Variants in ANKRD30B observed in about 807,000 individuals in gnomAD.
ANKRD30B encodes the protein ankyrin repeat domain-containing protein 30B.
ANKRD30B carries 144 observed loss-of-function variants against 202.2 expected under a neutral mutation model. The ratio of observed to expected loss-of-function variants is 0.71; its 90% CI spans 0.62 to 0.82. ANKRD30B has a LOEUF of 0.82. Among genes scored for constraint, ANKRD30B ranks in the 40% least tolerant of loss-of-function variants. ANKRD30B has a pLI of 0.00. For missense variants in ANKRD30B, 1,487 were observed against 1,669.1 expected, an observed-to-expected ratio of 0.89 and a Z score of 1.90; for synonymous variants, 508 against 561.3, an observed-to-expected ratio of 0.91 and a Z score of 1.34.
At chr18:14,775,508 A>C (rs946484804) in intron 9 of ANKRD30B, among the ~76,000 whole-genome samples, 2 of 152,358 alleles carry the variant, frequency 1.3e-5, no homozygotes, top group Middle Eastern at 3.4e-3. Context: ...GTATTGGTAT[A>C]TTTTGATTAT....
chr18:14,914,647 G>T, the ANKRD30B span, among the ~76,000 whole-genome samples: 3 of 152,266 alleles, frequency 2.0e-5, no homozygotes, highest in East Asian at 5.8e-4. Context: ...TGAATTATGG[G>T]GTGAGGGGAA....
intron 15 of ANKRD30B, 117 bp downstream of exon 15, chr18:14,787,217 G>T (rs1273236400): frequency 3.3e-6 from 3 of 906,542 alleles, no homozygotes; most frequent in East Asian, 3.0e-5. Context: ...ATTATTTTTT[G>T]ATATTTTTCA....
chr18:14,915,679 T>C, the ANKRD30B span: 1 of 152,188 alleles, frequency 6.6e-6, no homozygotes, highest in Non-Finnish European at 1.5e-5. Context: ...GAGACTCAAC[T>C]GTATTCCAAA....
chr18:14,909,590 T>C, the ANKRD30B span, among the ~76,000 whole-genome samples: 1 of 152,086 alleles, frequency 6.6e-6, no homozygotes, highest in African/African-American at 2.4e-5. Context: ...GTATTTTTAG[T>C]ACAGATGGAG....
the ANKRD30B span, among the ~76,000 whole-genome samples, chr18:14,931,971 CT>C: frequency 1.3e-3 from 8 of 5,962 alleles, no homozygotes; most frequent in Non-Finnish European, 3.1e-3. Flanking sequence ...TTCCTCCCTC[CT>C]GTACTGTCCC....
chr18:14,815,364 T>C (rs1313530257), intron 30 of ANKRD30B, among the ~76,000 whole-genome samples: 2 of 151,014 alleles, frequency 1.3e-5, no homozygotes, highest in Non-Finnish European at 2.9e-5. Flanking sequence ...CTGAAAACCT[T>C]GTTAACAATT....
At position 14,784,319 on chromosome 18, in the gene ANKRD30B, T is replaced by C. The variant is rs2143873457; in HGVS notation, c.1571-17T>C. 1 of 1,610,332 alleles carries C rather than the reference T, an allele frequency of 6.2e-7. No individual in the cohort carries two copies. Among genetic ancestry groups the C allele is most frequent in the Non-Finnish European group, 8.5e-7 (1 of 1,177,618 alleles). The stretch of plus-strand genomic sequence containing the variant: ...ATATTTACTTATGATTGATGATAAA[T>C]CTCTTTTGCATTTTAGAGCTTCCTG... On this transcript the variant is annotated splice_polypyrimidine_tract_variant and intron_variant, in intron 12 of 43. Coordinates refer to ENST00000690538, the MANE Select transcript of ANKRD30B (RefSeq NM_001367607.2).
chr18:14,834,363 A>C (rs1971083862), intron 34 of ANKRD30B, among the ~76,000 whole-genome samples: 4 of 152,110 alleles, frequency 2.6e-5, no homozygotes, highest in Non-Finnish European at 5.9e-5. Context: ...AAATTAGATG[A>C]AGGGGATAAT....
At chr18:14,767,364 A>T (rs764481127) in intron 7 of ANKRD30B, among the ~76,000 whole-genome samples, 1 of 152,212 alleles carries the variant, frequency 6.6e-6, no homozygotes, top group African/African-American at 2.4e-5. Flanking sequence ...ATGCATATTT[A>T]TGATAGTTTA....
At chr18:14,767,440 A>G (rs1422518902) in intron 7 of ANKRD30B, among the ~76,000 whole-genome samples, 4 of 152,254 alleles carry the variant, frequency 2.6e-5, no homozygotes, top group Non-Finnish European at 5.9e-5. Context: ...ATAATAATAC[A>G]TTGTAATCAA....
At chr18:14,868,832 C>T in the ANKRD30B span, among the ~76,000 whole-genome samples, 1 of 152,300 alleles carries the variant, frequency 6.6e-6, no homozygotes, top group Non-Finnish European at 1.5e-5. Context: ...AGATTCTGTT[C>T]TGCCTGCTGC....
intron 16 of ANKRD30B, among the ~76,000 whole-genome samples, chr18:14,795,753 A>G (rs1257535236): frequency 2.6e-5 from 4 of 152,198 alleles, no homozygotes; most frequent in Non-Finnish European, 2.9e-5. Context: ...TTACAGGACA[A>G]ATTGAAGAAC....
At chr18:14,850,450 C>T (rs1971836729) in intron 41 of ANKRD30B, 68 bp downstream of exon 41, 3 of 1,380,470 alleles carry the variant, frequency 2.2e-6, no homozygotes, top group East Asian at 2.7e-5. Flanking sequence ...TTTAACATCC[C>T]TTTGATTTAG....
rs1445561205 is a variant in ANKRD30B at position 14,837,680 on chromosome 18, C to T, written c.2988+4C>T. ...AAAATCAACTTCAGATTCTGAGGTA[C>T]TGTGTATTGTTGTTGTTGTTATTTT... On this transcript the variant is annotated splice_donor_region_variant and intron_variant, in intron 36 of 43. Transcript: ENST00000690538. The T allele has an allele frequency of 8.5e-6, 13 of 1,535,074 alleles. No homozygotes were observed. The highest frequency in any genetic ancestry group is 4.2e-5 in the Admixed American group (2 of 47,312).
chr18:14,760,428 A>T (rs1915069421), intron 5 of ANKRD30B, 126 bp from the exon 6 acceptor site: 1 of 560,316 alleles, frequency 1.8e-6, no homozygotes. Flanking sequence ...AAAGTCTGTG[A>T]AATAAGTAAC....
chr18:14,772,711 T>G (rs1289013793), intron 9 of ANKRD30B, among the ~76,000 whole-genome samples: 13 of 6,134 alleles, frequency 2.1e-3, no homozygotes, highest in East Asian at 3.8e-3. Flanking sequence ...CATATAGGGT[T>G]TTTTTTTTTT....
At chr18:14,781,121 T>C (rs911112691) in intron 11 of ANKRD30B, among the ~76,000 whole-genome samples, 3 of 152,270 alleles carry the variant, frequency 2.0e-5, no homozygotes, top group African/African-American at 7.2e-5. Flanking sequence ...CTTTTTCTAA[T>C]ATTTGTCTGC....
At chr18:14,762,337 A>G (rs1342155596) in intron 6 of ANKRD30B, among the ~76,000 whole-genome samples, 1 of 152,228 alleles carries the variant, frequency 6.6e-6, no homozygotes, top group Non-Finnish European at 1.5e-5. Context: ...ATTTAATAAT[A>G]CTTTTCTGGC....
At chr18:14,878,275 G>A in the ANKRD30B span, among the ~76,000 whole-genome samples, 2 of 152,112 alleles carry the variant, frequency 1.3e-5, no homozygotes, top group Non-Finnish European at 2.9e-5. Context: ...AGGACAAAAC[G>A]CGGTCTTTGT....
Sources: allele counts gnomAD v4.1 joint callset (sites outside exome capture counted in the v4.1 genomes callset), GRCh38; gene constraint gnomAD v4.1.1; transcripts MANE v1.5; gene names NCBI Gene and HGNC (gene_info 2026-07-23, HGNC 2026-07-21).